PRKCB: variants seen among roughly 807,000 people sequenced by gnomAD.
PRKCB encodes the protein protein kinase C beta type.
PRKCB carries 13 observed loss-of-function variants against 81.5 expected under a neutral mutation model. The observed-to-expected ratio is 0.16, with a 90% CI of 0.10 to 0.25. The LOEUF (loss-of-function observed/expected upper bound fraction) is 0.25, where lower values mean the gene tolerates loss of function less well. PRKCB is among the 10% of genes least tolerant of loss of function. The probability of loss-of-function intolerance (pLI) is 1.00; values close to 1 mark genes in which losing one functional copy is unlikely to be tolerated. For missense variants in PRKCB, 509 were observed against 875.7 expected (o/e 0.58, Z 5.29); for synonymous variants, 335 against 321.4 (o/e 1.04, Z -0.45).
At chr16:24,194,645 A>G (rs1209499253) in intron 16 of PRKCB, among the ~76,000 whole-genome samples, 1 of 151,746 alleles carries the variant, frequency 6.6e-6, no homozygotes, top group Non-Finnish European at 1.5e-5. Flanking sequence ...GCTCATAGAA[A>G]GCACTCAGGA....
At chr16:24,066,179 G>C (rs971615688) in intron 5 of PRKCB, among the ~76,000 whole-genome samples, 1 of 150,808 alleles carries the variant, frequency 6.6e-6, no homozygotes, top group Non-Finnish European at 1.5e-5. Context: ...TTTTTCATTA[G>C]TATTTTCTTG....
At chr16:24,124,117 A>G in intron 9 of PRKCB, 136 bp downstream of exon 9, 1 of 1,040,950 alleles carries the variant, frequency 9.6e-7, no homozygotes, top group Non-Finnish European at 1.4e-6. Flanking sequence ...ACACTTTGTA[A>G]TGAATACCAT....
chr16:23,926,988 T>G lies in PRKCB; in HGVS notation c.206-61520T>G, dbSNP rs568623053. Among the ~76,000 whole-genome samples the G allele has an allele frequency of 6.6e-5, 10 of 152,246 alleles. No homozygotes were observed. In the South Asian group the frequency reaches 1.2e-3, roughly 19 times the overall value. On this transcript the variant is annotated intron_variant, in intron 2 of 16. Coordinates refer to ENST00000643927, the MANE Select transcript of PRKCB (RefSeq NM_002738.7). ...GAATACTTCTTACTGCGTATGGTGG[T>G]GGTGGTGCTGAGGTGTCTCACAGTG...
At chr16:23,922,941 A>T (rs934843306) in intron 2 of PRKCB, among the ~76,000 whole-genome samples, 10 of 152,086 alleles carry the variant, frequency 6.6e-5, no homozygotes, top group Non-Finnish European at 1.5e-4. Flanking sequence ...TGCAGCCTTG[A>T]CCAATCTTAA....
chr16:24,021,069 T>A, intron 3 of PRKCB, among the ~76,000 whole-genome samples: 1 of 69,288 alleles, frequency 1.4e-5, no homozygotes, highest in Non-Finnish European at 3.0e-5. Flanking sequence ...CCTCCCTCCC[T>A]CCCTTCTTTC....
chr16:24,183,691 G>T (rs1967661402), intron 13 of PRKCB, among the ~76,000 whole-genome samples: 1 of 152,172 alleles, frequency 6.6e-6, no homozygotes, highest in African/African-American at 2.4e-5. Context: ...ATAACTTCAT[G>T]ATATAGAGAT....
chr16:23,889,395 T>C (rs62028078), intron 2 of PRKCB, among the ~76,000 whole-genome samples: 4,531 of 152,372 alleles, frequency 0.03, 102 homozygotes, highest in South Asian at 0.065. Flanking sequence ...TCAGTATGTG[T>C]AAGGTGCTTT....
intron 2 of PRKCB, among the ~76,000 whole-genome samples, chr16:23,987,123 G>T (rs548595658): frequency 6.6e-6 from 1 of 152,082 alleles, no homozygotes; most frequent in South Asian, 2.1e-4. Context: ...ATCCAAACAA[G>T]GTCCACATGT....
intron 9 of PRKCB, chr16:24,151,708 A>G (rs138201169): frequency 2.3e-6 from 1 of 437,908 alleles, no homozygotes; most frequent in Non-Finnish European, 4.6e-6. Context: ...AAAGAACAGG[A>G]TGTGGTCATG....
intron 5 of PRKCB, among the ~76,000 whole-genome samples, chr16:24,077,863 G>A (rs1966200559): frequency 6.6e-6 from 1 of 152,220 alleles, no homozygotes; most frequent in Admixed American, 6.5e-5. Flanking sequence ...CCATGATTCA[G>A]TGATGTAGTT....
intron 9 of PRKCB, among the ~76,000 whole-genome samples, chr16:24,134,555 GC>G (rs1966858845): frequency 6.6e-6 from 1 of 152,098 alleles, no homozygotes; most frequent in African/African-American, 2.4e-5. Context: ...GACCAGCCTG[GC>G]CAACATAGTG....
At chr16:23,964,680 T>G (rs1171887545) in intron 2 of PRKCB, among the ~76,000 whole-genome samples, 1 of 151,662 alleles carries the variant, frequency 6.6e-6, no homozygotes, top group African/African-American at 2.4e-5. Flanking sequence ...TGAGGTTTTT[T>G]TTTTTTTTTT....
At chr16:24,021,072 C>CTCCTTCCTTTCTTTCT in intron 3 of PRKCB, among the ~76,000 whole-genome samples, 1 of 94,372 alleles carries the variant, frequency 1.1e-5, no homozygotes, top group Non-Finnish European at 2.2e-5. Flanking sequence ...CCCTCCCTCC[C>CTCCTTCCTTTCTTTCT]TTCTTTCTTT....
chr16:23,940,057 C>A (rs1217148224), intron 2 of PRKCB, among the ~76,000 whole-genome samples: 1 of 151,916 alleles, frequency 6.6e-6, no homozygotes, highest in East Asian at 1.9e-4. Context: ...AGACATTTCA[C>A]CAAAGAGGGA....
At chr16:24,124,017 A>G in intron 9 of PRKCB, 36 bp downstream of exon 9, 14 of 1,612,362 alleles carry the variant, frequency 8.7e-6, no homozygotes, top group Non-Finnish European at 1.0e-5. Context: ...CTGCTTTGGA[A>G]GGAACATCTA....
At chr16:24,073,354 C>A (rs1374616133) in intron 5 of PRKCB, among the ~76,000 whole-genome samples, 2 of 152,160 alleles carry the variant, frequency 1.3e-5, no homozygotes, top group Non-Finnish European at 2.9e-5. Flanking sequence ...TTCTTAGAAA[C>A]AGGATCTTGC....
intron 4 of PRKCB, among the ~76,000 whole-genome samples, chr16:24,033,242 G>A (rs1281249282): frequency 6.6e-6 from 1 of 152,218 alleles, no homozygotes; most frequent in Non-Finnish European, 1.5e-5. Context: ...AGAGGACAGA[G>A]GGAGAAAGTC....
chr16:24,066,022 G>A (rs1163522561), intron 5 of PRKCB, among the ~76,000 whole-genome samples: 1 of 150,798 alleles, frequency 6.6e-6, no homozygotes, highest in East Asian at 1.9e-4. Context: ...CAATCTGTAT[G>A]ATTTTAGATT....
At chr16:24,181,699 T>C (rs1207930752) in intron 13 of PRKCB, among the ~76,000 whole-genome samples, 2 of 134,136 alleles carry the variant, frequency 1.5e-5, no homozygotes, top group Admixed American at 9.0e-5. Context: ...CCCCAGGAGG[T>C]CCAGGCTGCA....
Sources: allele counts gnomAD v4.1 joint callset (sites outside exome capture counted in the v4.1 genomes callset), GRCh38; gene constraint gnomAD v4.1.1; transcripts MANE v1.5; gene names NCBI Gene and HGNC (gene_info 2026-07-23, HGNC 2026-07-21).